The following GLIS3 variants were observed in gnomAD, a reference collection of about 807,000 sequenced individuals.
GLIS3 encodes the protein zinc finger protein GLIS3.
Under a neutral mutation model 78.6 loss-of-function variants are expected in GLIS3, and 53 were observed. The ratio of observed to expected loss-of-function variants is 0.67; its 90% CI spans 0.54 to 0.85. The LOEUF (loss-of-function observed/expected upper bound fraction) is 0.85. Ranked by LOEUF, GLIS3 falls within the 40% of genes least tolerant of loss-of-function variation. The probability of loss-of-function intolerance (pLI) is 0.00; values close to 1 mark genes in which losing one functional copy is unlikely to be tolerated. For missense variants in GLIS3, 1,703 were observed against 1,231.1 expected, an observed-to-expected ratio of 1.38 and a Z score of -5.74; for synonymous variants, 684 against 509.9, an observed-to-expected ratio of 1.34 and a Z score of -4.60.
At chr9:3,868,207 C>T (rs1194440651) in intron 8 of GLIS3, among the ~76,000 whole-genome samples, 1 of 152,218 alleles carries the variant, frequency 6.6e-6, no homozygotes, top group Non-Finnish European at 1.5e-5. Context: ...GAGCAGTGCT[C>T]ACTAGACAAA....
At chr9:4,303,288 C>CAT (rs1391641971), upstream of GLIS3, among the ~76,000 whole-genome samples, 1 of 147,678 alleles carries the variant, frequency 6.8e-6, no homozygotes, top group Non-Finnish European at 1.5e-5. Flanking sequence ...CACACACACA[C>CAT]ACGAGCTGGC....
chr9:4,051,829 T>C (rs544367631), intron 4 of GLIS3, among the ~76,000 whole-genome samples: 1 of 152,344 alleles, frequency 6.6e-6, no homozygotes, highest in South Asian at 2.1e-4. Flanking sequence ...AATATTTTAA[T>C]GTTCAGTCAA....
the GLIS3 span, among the ~76,000 whole-genome samples, chr9:4,418,979 G>A: frequency 6.6e-6 from 1 of 152,122 alleles, no homozygotes; most frequent in African/African-American, 2.4e-5. Context: ...AGATGGTGGT[G>A]GAAACCGAAT....
chr9:4,160,596 A>G (rs1835396901), intron 2 of GLIS3, among the ~76,000 whole-genome samples: 1 of 152,166 alleles, frequency 6.6e-6, no homozygotes, highest in Non-Finnish European at 1.5e-5. Context: ...GTCCACGTTA[A>G]CCCAAGCTTG....
the GLIS3 span, among the ~76,000 whole-genome samples, chr9:4,412,360 G>T: frequency 6.6e-6 from 1 of 152,324 alleles, no homozygotes; most frequent in African/African-American, 2.4e-5. Flanking sequence ...CCTAAGTTTA[G>T]ATCTTGAAGC....
the GLIS3 span, among the ~76,000 whole-genome samples, chr9:4,463,414 T>C: frequency 0.34 from 52,304 of 151,840 alleles, 10,036 homozygotes; most frequent in Middle Eastern, 0.49. Flanking sequence ...CTCTTCATGC[T>C]CTCTCACCCA....
chr9:4,287,108 A>G (rs1022071463), intron 1 of GLIS3, among the ~76,000 whole-genome samples: 1 of 152,176 alleles, frequency 6.6e-6, no homozygotes, highest in African/African-American at 2.4e-5. Context: ...ATATATTCAA[A>G]TATTCATGGC....
At chr9:4,408,456 A>G in the GLIS3 span, among the ~76,000 whole-genome samples, 1 of 151,038 alleles carries the variant, frequency 6.6e-6, no homozygotes, top group Non-Finnish European at 1.5e-5. Flanking sequence ...TAGGCCGGGC[A>G]CCTTGGCTCA....
the GLIS3 span, among the ~76,000 whole-genome samples, chr9:4,435,328 A>G: frequency 6.7e-6 from 1 of 150,272 alleles, no homozygotes; most frequent in African/African-American, 2.5e-5. Flanking sequence ...TATGAAACTC[A>G]GCAGCAACAG....
chr9:3,886,319 A>C (rs966317897), intron 7 of GLIS3, among the ~76,000 whole-genome samples: 5 of 152,316 alleles, frequency 3.3e-5, no homozygotes, highest in African/African-American at 9.6e-5. Flanking sequence ...GGCCTGTGAA[A>C]GAATCCTCAA....
At position 4,069,340 on chromosome 9, in the gene GLIS3, G is replaced by A. The variant is rs547297381; in HGVS notation, c.1710+48428C>T. ...TGGCTGGTAGCTGAGCTATTGGATC[G>A]GCTTCTCAGCCATTCCAAAACTCAG... On this transcript the variant is annotated intron_variant, in intron 4 of 10. Coordinates refer to ENST00000381971, the MANE Select transcript of GLIS3 (RefSeq NM_001042413.2). Among the ~76,000 whole-genome samples the A allele has an allele frequency of 1.4e-4, 22 of 152,292 alleles. No homozygotes were observed. The South Asian group carries it at 3.3e-3, about 23-fold the overall frequency.
intron 4 of GLIS3, among the ~76,000 whole-genome samples, chr9:4,044,283 T>C (rs780390935): frequency 2.0e-4 from 31 of 152,172 alleles, no homozygotes; most frequent in Non-Finnish European, 2.5e-4. Flanking sequence ...TTCGACTAAA[T>C]AGACATAAAG....
At chr9:3,978,179 C>G (rs1428597956) in intron 4 of GLIS3, among the ~76,000 whole-genome samples, 2 of 151,806 alleles carry the variant, frequency 1.3e-5, no homozygotes, top group Non-Finnish European at 2.9e-5. Flanking sequence ...ATGGTAATCT[C>G]AGAGTGAAAA....
intron 8 of GLIS3, among the ~76,000 whole-genome samples, chr9:3,875,770 A>G (rs918465388): frequency 7.2e-5 from 11 of 152,164 alleles, no homozygotes; most frequent in African/African-American, 2.7e-4. Flanking sequence ...TGGGAAGGCA[A>G]GGGATGGGGC....
At chr9:4,086,690 T>C (rs991739350) in intron 4 of GLIS3, among the ~76,000 whole-genome samples, 3 of 152,226 alleles carry the variant, frequency 2.0e-5, no homozygotes, top group African/African-American at 7.2e-5. Context: ...CATGTAAATG[T>C]ACCACTTGTC....
intron 2 of GLIS3, among the ~76,000 whole-genome samples, chr9:4,218,381 C>T (rs1821037663): frequency 1.3e-5 from 2 of 152,260 alleles, no homozygotes; most frequent in South Asian, 4.1e-4. Context: ...CGGGTTCACG[C>T]CATTCTCCTG....
intron 2 of GLIS3, among the ~76,000 whole-genome samples, chr9:4,158,193 T>C (rs1350427408): frequency 6.6e-6 from 1 of 152,246 alleles, no homozygotes; most frequent in African/African-American, 2.4e-5. Flanking sequence ...TTCCTTCTTA[T>C]GTTTCATAAG....
rs897306868 is a variant in GLIS3 at position 4,078,890 on chromosome 9, C to T, written c.1710+38878G>A. 3.3e-5 allele frequency among the ~76,000 whole-genome samples: 5 copies of T among 152,232 alleles called. No homozygotes were observed. The South Asian group carries it at 1.0e-3, about 32-fold the overall frequency. ...TAAGAGAAGTCTGTGCTTTGAAATG[C>T]CTCCCCTCTGTCCCCCGCCCCACCC... On this transcript the variant is annotated intron_variant, in intron 4 of 10. Transcript: ENST00000381971.
chr9:4,317,177 T>C (rs1284460830), intron 2 of GLIS3, among the ~76,000 whole-genome samples: 2 of 152,240 alleles, frequency 1.3e-5, no homozygotes, highest in African/African-American at 4.8e-5. Context: ...AAATATATTC[T>C]TGCATACTTT....
Sources: allele counts gnomAD v4.1 joint callset (sites outside exome capture counted in the v4.1 genomes callset), GRCh38; gene constraint gnomAD v4.1.1; transcripts MANE v1.5; gene names NCBI Gene and HGNC (gene_info 2026-07-23, HGNC 2026-07-21).